The following INTS7 variants were observed in gnomAD, a reference collection of about 807,000 sequenced individuals.
The protein encoded by INTS7 is integrator complex subunit 7.
INTS7 carries 46 observed loss-of-function variants against 109.2 expected under a neutral mutation model. That is an observed-to-expected ratio of 0.42 (90% confidence interval 0.33 to 0.54). INTS7 has a LOEUF of 0.54. INTS7 is among the 20% of genes least tolerant of loss of function. The pLI is 0.07. For missense variants in INTS7, 929 were observed against 1,132.4 expected, an observed-to-expected ratio of 0.82 and a Z score of 2.58; for synonymous variants, 412 against 402.9, an observed-to-expected ratio of 1.02 and a Z score of -0.27.
chr1:211,988,014 G>A lies in INTS7; in HGVS notation c.880-11C>T, dbSNP rs1245211784. 5 of 1,304,596 alleles carry A rather than the reference G, an allele frequency of 3.8e-6. No individual in the cohort carries two copies. The highest frequency in any genetic ancestry group is 1.8e-5 in the Admixed American group (1 of 56,798). 80.8% of individuals were successfully genotyped at this position (1,304,596 alleles called of 1,614,324 possible). ...ACACTCACAAAGTGCCTGGAATGCA[G>A]AAGAGAAATGAATATAGAAGTTAAA... On this transcript the variant is annotated splice_polypyrimidine_tract_variant and intron_variant, in intron 7 of 19. Transcript: ENST00000366994.
chr1:211,982,172 T>C (rs2102428859), intron 9 of INTS7, among the ~76,000 whole-genome samples: 1 of 152,338 alleles, frequency 6.6e-6, no homozygotes, highest in Non-Finnish European at 1.5e-5. Context: ...GTGCATTATT[T>C]TCCTTGCATG....
chr1:211,948,440 G>A (rs1001223323), intron 17 of INTS7, among the ~76,000 whole-genome samples: 2 of 152,216 alleles, frequency 1.3e-5, no homozygotes, highest in African/African-American at 4.8e-5. Flanking sequence ...TAGTGTCTAA[G>A]GAGAGAAACA....
intron 10 of INTS7, 141 bp downstream of exon 10, chr1:211,980,952 T>C: frequency 4.1e-6 from 2 of 493,492 alleles, no homozygotes; most frequent in Non-Finnish European, 7.3e-6. Context: ...TTAGATTAAA[T>C]CAGTGTAGTT....
intron 17 of INTS7, among the ~76,000 whole-genome samples, chr1:211,947,008 T>C (rs2102380470): frequency 6.6e-6 from 1 of 152,350 alleles, no homozygotes; most frequent in African/African-American, 2.4e-5. Context: ...ATCAGTATAT[T>C]ATTAAACAAT....
intron 8 of INTS7, among the ~76,000 whole-genome samples, chr1:211,987,303 AAAC>A (rs1299735614): frequency 2.0e-5 from 3 of 152,158 alleles, no homozygotes; most frequent in African/African-American, 7.2e-5. Context: ...TCTTAAAACA[AAAC>A]AACAACAACA....
chr1:212,032,804 T>C (rs1314692023), intron 1 of INTS7, among the ~76,000 whole-genome samples: 1 of 152,174 alleles, frequency 6.6e-6, no homozygotes, highest in South Asian at 2.1e-4. Flanking sequence ...TCTATACTCA[T>C]TGCCTATTAC....
At chr1:212,024,190 C>G (rs1666823600) in intron 1 of INTS7, among the ~76,000 whole-genome samples, 2 of 150,970 alleles carry the variant, frequency 1.3e-5, no homozygotes, top group South Asian at 4.2e-4. Context: ...GCTATTTACG[C>G]TCTTTTTTGG....
intron 19 of INTS7, among the ~76,000 whole-genome samples, chr1:211,944,499 G>A (rs1001485983): frequency 7.9e-5 from 12 of 152,152 alleles, no homozygotes; most frequent in African/African-American, 2.9e-4. Flanking sequence ...GGTTAGAAAG[G>A]CCTTGCTGCC....
In INTS7 at chr1:211,976,671, C is replaced by A. The variant is rs368803082; in HGVS notation, c.1519G>T (p.Val507Leu). 1.9e-6 allele frequency: 3 copies of A among 1,613,830 alleles called. No individual in the cohort carries two copies. The highest frequency in any genetic ancestry group is 1.7e-6 in the Non-Finnish European group (2 of 1,179,866). Residue 507 changes from valine (V) to leucine (L), a missense_variant, in exon 12 of 20, where the codon GTG (valine) becomes TTG (leucine). This residue lies in a region of INTS7 where 787 missense variants were observed against 901.1 expected (regional missense o/e 0.87). Transcript: ENST00000366994. ...IFVASQKALS[V>L]ESKAVIKQQL... ...TGCTTAATTACTGCCTTACTTTCCA[C>A]AGACAATGCCTTCTGACTTGCAACA...
chr1:211,997,528 G>GA (rs71137714), intron 7 of INTS7, among the ~76,000 whole-genome samples: 22,850 of 58,404 alleles, frequency 0.39, 4,645 homozygotes, highest in Non-Finnish European at 0.48. Flanking sequence ...TCTCCAAACA[G>GA]AAAAAAAAAA....
chr1:212,025,141 A>G (rs942235134), intron 1 of INTS7, among the ~76,000 whole-genome samples: 11 of 152,230 alleles, frequency 7.2e-5, no homozygotes, highest in Admixed American at 7.2e-4. Flanking sequence ...ATGGTAATAA[A>G]CTGCGTGATT....
rs745535186 is a variant in INTS7, at chr1:212,020,255, T to G, written c.238A>C (p.Arg80=). Residue 80 remains arginine, a synonymous_variant, in exon 3 of 20, where the codon AGG becomes CGG. Coordinates refer to ENST00000366994, the MANE Select transcript of INTS7 (RefSeq NM_015434.4). ...DVFRVGNNFL[R]LCVLKVTQQS... is the part of the protein sequence containing the mutation. ...TGGGTAACTTTAAGAACACATAGCC[T>G]CAGGAAATTATTTCTAGAAAAACCA... 25 of 1,571,606 alleles carry G rather than the reference T, an allele frequency of 1.6e-5. No homozygotes were observed. Among genetic ancestry groups the G allele is most frequent in the Non-Finnish European group, 2.6e-6 (3 of 1,157,332 alleles).
At chr1:211,955,970 C>A (rs940298060) in intron 16 of INTS7, among the ~76,000 whole-genome samples, 1 of 152,158 alleles carries the variant, frequency 6.6e-6, no homozygotes, top group African/African-American at 2.4e-5. Flanking sequence ...GACTTGCTAA[C>A]AAAACAATTC....
chr1:211,961,196 G>A (rs1327410090), intron 16 of INTS7, among the ~76,000 whole-genome samples: 1 of 151,596 alleles, frequency 6.6e-6, no homozygotes, highest in Non-Finnish European at 1.5e-5. Flanking sequence ...CCCCAACCTA[G>A]AAAAAGAGGC....
intron 5 of INTS7, among the ~76,000 whole-genome samples, chr1:212,010,813 T>G (rs1666135251): frequency 6.6e-6 from 1 of 152,206 alleles, no homozygotes; most frequent in African/African-American, 2.4e-5. Context: ...TACAGTTGGC[T>G]ATACCATTTA....
At chr1:212,019,194 T>G (rs1364940847) in intron 3 of INTS7, among the ~76,000 whole-genome samples, 1 of 152,126 alleles carries the variant, frequency 6.6e-6, no homozygotes, top group African/African-American at 2.4e-5. Context: ...GAGGTTGCAG[T>G]GAGCCAAGAT....
intron 4 of INTS7, among the ~76,000 whole-genome samples, chr1:212,016,650 T>C (rs1666457002): frequency 1.3e-5 from 2 of 152,240 alleles, no homozygotes; most frequent in Non-Finnish European, 2.9e-5. Flanking sequence ...GCTGATCCTG[T>C]CCTTCTGGAA....
In INTS7 at chr1:211,966,473, A is replaced by G. The variant is rs751940333; in HGVS notation, c.2140T>C (p.Ser714Pro). ...ELQQQSCLLISHAIEALILDP... is the reference protein window; with the variant it reads ...ELQQQSCLLIPHAIEALILDP... ...AAAATCAGGGCTTCTATTGCATGAG[A>G]TATCAGTAAACAGCTCTGCTGCTGT... The change falls in exon 16 of 20, where the codon TCT (serine) becomes CCT (proline). Residue 714 changes from serine to proline, a missense_variant. This residue lies in a region of INTS7 where 787 missense variants were observed against 901.1 expected (regional missense o/e 0.87). Coordinates refer to ENST00000366994, the MANE Select transcript of INTS7 (RefSeq NM_015434.4). 7 of 1,609,394 alleles carry G rather than the reference A, an allele frequency of 4.3e-6. No individual in the cohort carries two copies. Among genetic ancestry groups the G allele is most frequent in the Non-Finnish European group, 5.1e-6 (6 of 1,176,376 alleles).
intron 18 of INTS7, among the ~76,000 whole-genome samples, chr1:211,945,401 T>A (rs1251964727): frequency 6.6e-6 from 1 of 152,224 alleles, no homozygotes; most frequent in South Asian, 2.1e-4. Context: ...CACAACGAAG[T>A]CACTGTGCTA....
Sources: allele counts gnomAD v4.1 joint callset (sites outside exome capture counted in the v4.1 genomes callset), GRCh38; gene constraint gnomAD v4.1.1; regional missense constraint gnomAD v4.1.1; transcripts MANE v1.5; gene names NCBI Gene and HGNC (gene_info 2026-07-23, HGNC 2026-07-21).